SNX29: variants seen among roughly 807,000 people sequenced by gnomAD.
The protein encoded by SNX29 is sorting nexin-29.
SNX29 carries 78 observed loss-of-function variants against 102.1 expected under a neutral mutation model. The ratio of observed to expected loss-of-function variants is 0.76; its 90% CI spans 0.64 to 0.92. The LOEUF (loss-of-function observed/expected upper bound fraction) is 0.92. Among genes scored for constraint, SNX29 ranks in the 40% least tolerant of loss-of-function variants. The pLI, the probability that SNX29 is intolerant of heterozygous loss-of-function variation, is 0.00. For missense variants in SNX29, 1,280 were observed against 1,061.7 expected (o/e 1.21, Z -2.86); for synonymous variants, 580 against 414.5 (o/e 1.40, Z -4.85).
chr16:12,436,190 C>T (rs1212215135), intron 18 of SNX29, among the ~76,000 whole-genome samples: 3 of 152,154 alleles, frequency 2.0e-5, no homozygotes, highest in Admixed American at 2.0e-4. Context: ...CTATGCTCTG[C>T]TGCAGCCCCC....
In SNX29 at chr16:11,999,171, A is replaced by T. The variant is rs183179954; in HGVS notation, c.8-126A>T. 8.1e-4 allele frequency: 634 copies of T among 781,730 alleles called. 1 individual carries two copies. Among genetic ancestry groups the T allele is most frequent in the Non-Finnish European group, 1.2e-3 (582 of 481,934 alleles). 48.4% of individuals were successfully genotyped at this position (781,730 alleles called of 1,614,324 possible). On this transcript the variant is annotated intron_variant, in intron 1 of 20. Transcript: ENST00000566228. ...GCAATAGCCAAACTTCATTGTAATGATACAGATTATTGATACCTAGTTGTG... is the reference window on the plus strand; with the variant it reads ...GCAATAGCCAAACTTCATTGTAATGTTACAGATTATTGATACCTAGTTGTG...
chr16:12,422,588 ACCT>A (rs1208342040), intron 18 of SNX29, among the ~76,000 whole-genome samples: 1 of 151,708 alleles, frequency 6.6e-6, no homozygotes, highest in African/African-American at 2.4e-5. Context: ...CCCAACACCC[ACCT>A]CCTGTTGTCT....
intron 4 of SNX29, among the ~76,000 whole-genome samples, chr16:12,030,743 G>A (rs547119155): frequency 2.6e-4 from 40 of 152,270 alleles, no homozygotes; most frequent in African/African-American, 8.9e-4. Flanking sequence ...GTAGAATCGG[G>A]ACAAAGTATC....
At chr16:12,454,873 G>A (rs933869320) in intron 18 of SNX29, among the ~76,000 whole-genome samples, 4 of 152,122 alleles carry the variant, frequency 2.6e-5, no homozygotes, top group Middle Eastern at 3.4e-3. Flanking sequence ...AGCCTCCCGA[G>A]TAACTGGGAC....
intron 18 of SNX29, among the ~76,000 whole-genome samples, chr16:12,421,756 A>G (rs1443468030): frequency 6.6e-6 from 1 of 151,964 alleles, no homozygotes; most frequent in Non-Finnish European, 1.5e-5. Context: ...CATCATTATC[A>G]TCATCACCAT....
chr16:12,157,131 A>G (rs1446264837), intron 13 of SNX29, among the ~76,000 whole-genome samples: 3 of 152,122 alleles, frequency 2.0e-5, no homozygotes, highest in Non-Finnish European at 4.4e-5. Context: ...GAGTCCCCCG[A>G]GGAGTGTGGA....
Position 12,184,624 on chromosome 16 carries a change from A to T in SNX29, c.1596-14977A>T, listed in dbSNP as rs577627620. ...AGAATCCTTTCACGCTTGGGCACTG[A>T]CCTGTAAAAAGCCATCTTAAAAGGC... is the stretch of plus-strand genomic sequence containing the variant. On this transcript the variant is annotated intron_variant, in intron 13 of 20. Transcript: ENST00000566228. 1.4e-4 allele frequency among the ~76,000 whole-genome samples: 22 copies of T among 152,236 alleles called. No individual in the cohort carries two copies. In the South Asian group the frequency reaches 4.6e-3, roughly 32 times the overall value.
At chr16:12,009,009 T>A (rs1263366939) in intron 3 of SNX29, among the ~76,000 whole-genome samples, 2 of 152,136 alleles carry the variant, frequency 1.3e-5, no homozygotes, top group South Asian at 2.1e-4. Context: ...CCCAAACTGG[T>A]GGGATTACAG....
intron 14 of SNX29, among the ~76,000 whole-genome samples, chr16:12,273,749 T>G (rs1000140224): frequency 6.6e-6 from 1 of 152,198 alleles, no homozygotes; most frequent in Non-Finnish European, 1.5e-5. Context: ...CCTGATACCC[T>G]TTAGCAGTAG....
intron 15 of SNX29, among the ~76,000 whole-genome samples, chr16:12,324,748 G>T (rs556636749): frequency 1.2e-4 from 19 of 152,138 alleles, no homozygotes; most frequent in Non-Finnish European, 1.5e-5. Context: ...ACAGTGCCAT[G>T]AACACAGCTC....
intron 1 of SNX29, chr16:11,977,639 A>T (rs2055332876): frequency 6.6e-6 from 1 of 151,860 alleles, no homozygotes; most frequent in African/African-American, 2.4e-5. Context: ...TCTTCCTCTC[A>T]CCATCGAGGG....
At chr16:12,062,412 A>ATAAATAAC (rs1555452479) in intron 9 of SNX29, among the ~76,000 whole-genome samples, 2 of 149,224 alleles carry the variant, frequency 1.3e-5, no homozygotes, top group Non-Finnish European at 3.0e-5. Flanking sequence ...AAATAAATAA[A>ATAAATAAC]TAAATAAATA....
chr16:12,561,060 A>G (rs1365315408), intron 20 of SNX29: 2 of 223,382 alleles, frequency 9.0e-6, no homozygotes, highest in African/African-American at 2.2e-5. Flanking sequence ...GGTAGGAGGT[A>G]AAGGCCTTGA....
Position 12,240,466 on chromosome 16 carries a change from G to GT in SNX29, c.1679-37461dup, listed in dbSNP as rs562988967. On this transcript the variant is annotated intron_variant, in intron 14 of 20. Coordinates refer to ENST00000566228, the MANE Select transcript of SNX29 (RefSeq NM_032167.5). ...CCATTTGTTGTTTTGTTTGCTGTCA[G>GT]TTTTTTAGTATTGAGTCTATAACGA... Among the ~76,000 whole-genome samples, 558 of 150,292 alleles carry GT rather than the reference G, an allele frequency of 3.7e-3. 4 individuals carry two copies. The highest frequency in any genetic ancestry group is 0.013 in the African/African-American group (531 of 41,030).
At chr16:12,135,527 T>C (rs1475927778) in intron 13 of SNX29, 2 of 1,319,960 alleles carry the variant, frequency 1.5e-6, no homozygotes, top group African/African-American at 3.0e-5. Context: ...TGCCAGCCAG[T>C]TCTCTTTGCT....
At chr16:12,294,707 G>C (rs562993831) in intron 15 of SNX29, among the ~76,000 whole-genome samples, 54 of 152,216 alleles carry the variant, frequency 3.5e-4, no homozygotes, top group African/African-American at 9.6e-4. Flanking sequence ...ATGTCCCCAG[G>C]CTGGCTCCTT....
intron 20 of SNX29, among the ~76,000 whole-genome samples, chr16:12,547,185 G>A (rs1423901491): frequency 1.3e-5 from 2 of 152,210 alleles, no homozygotes; most frequent in Non-Finnish European, 2.9e-5. Context: ...CTAGGAAGAT[G>A]ACAGGGATAG....
Position 12,355,863 on chromosome 16 carries a change from AAAAAAAAAAAAAAG to A in SNX29, c.1783-298_1783-285del, listed in dbSNP as rs1197175708. ...CTTATTAAAAAAAAAAAAAAAAAAA[AAAAAAAAAAAAAAG>A]AGAGAGGAAAAAAAAAGCCCAAGGT... On this transcript the variant is annotated intron_variant, in intron 15 of 20. Coordinates refer to ENST00000566228, the MANE Select transcript of SNX29 (RefSeq NM_032167.5). Among the ~76,000 whole-genome samples the A allele has an allele frequency of 3.1e-4, 47 of 150,396 alleles. 1 individual carries two copies. The highest frequency in any genetic ancestry group is 2.7e-3 in the Admixed American group (41 of 15,060).
chr16:12,540,360 T>C (rs1197391968), intron 20 of SNX29, among the ~76,000 whole-genome samples: 1 of 152,172 alleles, frequency 6.6e-6, no homozygotes, highest in African/African-American at 2.4e-5. Flanking sequence ...TCCCCTGTAT[T>C]AATTTCTTAT....
Sources: gnomAD v4.1 joint callset for allele counts (sites outside exome capture counted in the v4.1 genomes callset) on GRCh38, gnomAD v4.1.1 for gene constraint, MANE v1.5 for transcripts, NCBI Gene and HGNC (gene_info 2026-07-23, HGNC 2026-07-21) for gene names.